Variants in SRP9 observed in about 807,000 individuals in gnomAD.
SRP9 encodes the protein signal recognition particle 9.
Under a neutral mutation model 11.7 loss-of-function variants are expected in SRP9, and 2 were observed. The observed-to-expected ratio is 0.17, with a 90% CI of 0.07 to 0.54. The LOEUF (loss-of-function observed/expected upper bound fraction) is 0.54, where lower values mean the gene tolerates loss of function less well. Among genes scored for constraint, SRP9 ranks in the 20% least tolerant of loss-of-function variants. The pLI, the probability that SRP9 is intolerant of heterozygous loss-of-function variation, is 0.94. For synonymous variants in SRP9, 27 were observed against 35.6 expected (o/e 0.76, Z 0.86); for missense variants, 54 against 108.1 (o/e 0.50, Z 2.22).
chr1:225,782,493 T>C (rs944672206), intron 1 of SRP9, among the ~76,000 whole-genome samples: 2 of 152,184 alleles, frequency 1.3e-5, no homozygotes, highest in Admixed American at 1.3e-4. Context: ...AACAGCTAGC[T>C]AAACAAGAGT....
intron 2 of SRP9, chr1:225,787,096 A>G (rs1261751368): frequency 3.5e-6 from 1 of 283,378 alleles, no homozygotes; most frequent in African/African-American, 2.3e-5. Context: ...TTTCTGCCTT[A>G]GCCTCCCAAA....
chr1:225,783,283 A>G lies in SRP9; in HGVS notation c.73-17A>G. 5 of 1,593,388 alleles carry G rather than the reference A, an allele frequency of 3.1e-6. No individual in the cohort carries two copies. The highest frequency in any genetic ancestry group is 4.3e-6 in the Non-Finnish European group (5 of 1,162,878). On this transcript the variant is annotated splice_polypyrimidine_tract_variant and intron_variant, in intron 1 of 2. Coordinates refer to ENST00000304786, the MANE Select transcript of SRP9 (RefSeq NM_003133.6). ...TCATTTGTCTTCACTGTTTCTAAAT[A>G]TGTATTTTTGTTTCAGGCACGTGTG...
At chr1:225,779,143 TC>T (rs1456573184) in intron 1 of SRP9, among the ~76,000 whole-genome samples, 3 of 151,438 alleles carry the variant, frequency 2.0e-5, no homozygotes, top group African/African-American at 4.9e-5. Context: ...TTTTTTTTTT[TC>T]AATAGTTTTA....
In SRP9 at chr1:225,789,096, G is replaced by T. The variant is rs1382281183; in HGVS notation, c.142-144G>T. 3.2e-6 allele frequency: 5 copies of T among 1,551,278 alleles called. 2 individuals are homozygous for T. In the South Asian group the frequency reaches 5.9e-5, roughly 18 times the overall value. ...TTGCTGGAGGCTTGGAAACTTGAGTGCAATTTCCCTAGTACGACCTCCAAG... is the reference window on the plus strand; with the variant it reads ...TTGCTGGAGGCTTGGAAACTTGAGTTCAATTTCCCTAGTACGACCTCCAAG... On this transcript the variant is annotated intron_variant, in intron 2 of 2. Coordinates refer to ENST00000304786, the MANE Select transcript of SRP9 (RefSeq NM_003133.6).
At chr1:225,784,571 T>C (rs1335119827) in intron 2 of SRP9, among the ~76,000 whole-genome samples, 1 of 151,726 alleles carries the variant, frequency 6.6e-6, no homozygotes, top group Non-Finnish European at 1.5e-5. Flanking sequence ...TTAAACTAGC[T>C]CTTTCTCATG....
At chr1:225,782,146 T>C (rs1433587669) in intron 1 of SRP9, among the ~76,000 whole-genome samples, 1 of 151,922 alleles carries the variant, frequency 6.6e-6, no homozygotes, top group Non-Finnish European at 1.5e-5. Context: ...TAAGTAGCAG[T>C]TTTTATTTTA....
chr1:225,785,679 C>CTTTT (rs59464847), intron 2 of SRP9, among the ~76,000 whole-genome samples: 3,785 of 122,986 alleles, frequency 0.031, 99 homozygotes, highest in South Asian at 0.052. Context: ...TGTGCCTGGA[C>CTTTT]TTTTTTTTTT....
At chr1:225,786,844 G>C in intron 2 of SRP9, 1 of 1,251,820 alleles carries the variant, frequency 8.0e-7, no homozygotes, top group Non-Finnish European at 1.0e-6. Context: ...TTGGTTGATT[G>C]CTTTTTTTTT....
intron 2 of SRP9, among the ~76,000 whole-genome samples, chr1:225,783,903 A>T (rs1249250472): frequency 6.6e-6 from 1 of 151,266 alleles, no homozygotes; most frequent in Non-Finnish European, 1.5e-5. Context: ...ACAGAAGCCC[A>T]CTCTTTCATA....
intron 1 of SRP9, 128 bp downstream of exon 1, chr1:225,778,140 A>G: frequency 9.7e-7 from 1 of 1,031,628 alleles, no homozygotes. Flanking sequence ...GACCCTGCCA[A>G]GTTAATGTTC....
chr1:225,779,165 G>A (rs1665746328), intron 1 of SRP9, among the ~76,000 whole-genome samples: 1 of 148,592 alleles, frequency 6.7e-6, no homozygotes. Context: ...TTTTTTTTGA[G>A]ACGAAATCTC....
intron 2 of SRP9, among the ~76,000 whole-genome samples, chr1:225,785,315 G>C (rs1366027585): frequency 1.4e-5 from 2 of 147,052 alleles, no homozygotes; most frequent in African/African-American, 5.1e-5. Context: ...TTTACCTCAT[G>C]ATCCACCCAC....
intron 1 of SRP9, 78 bp downstream of exon 1, chr1:225,778,090 C>T (rs1396755783): frequency 2.7e-6 from 4 of 1,507,064 alleles, no homozygotes; most frequent in South Asian, 1.2e-5. Context: ...CCTGGAGCTT[C>T]CCCAGCGCTC....
chr1:225,782,369 T>C (rs1297890003), intron 1 of SRP9, among the ~76,000 whole-genome samples: 1 of 152,122 alleles, frequency 6.6e-6, no homozygotes, highest in Non-Finnish European at 1.5e-5. Flanking sequence ...TTTCACCGTG[T>C]TAGCCAGGAT....
At chr1:225,784,486 T>G (rs1280348532) in intron 2 of SRP9, among the ~76,000 whole-genome samples, 2 of 150,762 alleles carry the variant, frequency 1.3e-5, no homozygotes, top group Non-Finnish European at 3.0e-5. Context: ...CCTGACCTCG[T>G]GATCCACCCG....
At position 225,789,774 on chromosome 1, in the gene SRP9, A is replaced by G; in HGVS notation, c.*415A>G. 1 of 177,486 alleles carries G rather than the reference A, an allele frequency of 5.6e-6. No homozygotes were observed. The highest frequency in any genetic ancestry group is 1.2e-5 in the Non-Finnish European group (1 of 82,510). The allele number at this position is 177,486 out of a possible 1,614,324, so 11.0% of individuals were successfully genotyped here. ...CCATGTATTTTGGAGCATAAAATGT[A>G]TGCTGTTGTGACCAATAAATATAAA... On this transcript the variant is annotated 3_prime_UTR_variant, in exon 3 of 3. Coordinates refer to ENST00000304786, the MANE Select transcript of SRP9 (RefSeq NM_003133.6).
Position 225,778,665 on chromosome 1 carries a change from G to A in SRP9, c.72+653G>A, listed in dbSNP as rs574293952. Among the ~76,000 whole-genome samples the A allele has an allele frequency of 3.3e-5, 5 of 152,328 alleles. No individual in the cohort carries two copies. In the South Asian group the frequency reaches 1.0e-3, roughly 32 times the overall value. On this transcript the variant is annotated intron_variant, in intron 1 of 2. Transcript: ENST00000304786. ...ATTATAATGGAGGTGGATGTCAGAG[G>A]TTAGCTCATTATTAAAAAGCAAAGG...
chr1:225,779,769 T>C (rs1665758383), intron 1 of SRP9, among the ~76,000 whole-genome samples: 1 of 152,214 alleles, frequency 6.6e-6, no homozygotes, highest in Non-Finnish European at 1.5e-5. Flanking sequence ...TTGCTTCATT[T>C]GGTTAGCTTC....
At chr1:225,788,946 G>T in intron 2 of SRP9, 1 of 1,479,040 alleles carries the variant, frequency 6.8e-7, no homozygotes, top group Admixed American at 2.4e-5. Flanking sequence ...TCTAAGTCTT[G>T]AGTTCTTCTC....
Sources: gnomAD v4.1 joint callset for allele counts (sites outside exome capture counted in the v4.1 genomes callset) on GRCh38, gnomAD v4.1.1 for gene constraint, MANE v1.5 for transcripts, NCBI Gene and HGNC (gene_info 2026-07-23, HGNC 2026-07-21) for gene names.